The following IGF1R variants were observed in gnomAD, a reference collection of about 807,000 sequenced individuals.
IGF1R encodes the protein insulin like growth factor 1 receptor, also known as insulin-like growth factor 1 receptor.
A neutral mutation model predicts 144.6 loss-of-function variants in IGF1R; 44 were observed. The ratio of observed to expected loss-of-function variants is 0.30; its 90% confidence interval spans 0.24 to 0.39. The LOEUF is 0.39. IGF1R is among the 10% of genes least tolerant of loss of function. IGF1R has a pLI of 1.00. For missense variants in IGF1R, 1,355 were observed against 1,833.7 expected (o/e 0.74, Z 4.77); for synonymous variants, 795 against 722.8 (o/e 1.10, Z -1.60).
At chr15:98,857,853 C>T (rs2011918275) in intron 2 of IGF1R, among the ~76,000 whole-genome samples, 1 of 152,174 alleles carries the variant, frequency 6.6e-6, no homozygotes, top group Non-Finnish European at 1.5e-5. Flanking sequence ...ATAACTGAGA[C>T]CTGTACATTC....
intron 5 of IGF1R, among the ~76,000 whole-genome samples, chr15:98,907,713 G>A (rs1441852545): frequency 6.6e-6 from 1 of 152,180 alleles, no homozygotes; most frequent in Non-Finnish European, 1.5e-5. Context: ...GCCTCTCCAG[G>A]GATGGACTTG....
intron 20 of IGF1R, chr15:98,954,430 T>G (rs1344797462): frequency 6.6e-6 from 1 of 151,546 alleles, no homozygotes; most frequent in Non-Finnish European, 1.5e-5. Context: ...TTTTAAAAGA[T>G]GAGTTTTATC....
At chr15:98,911,568 C>A in intron 7 of IGF1R, 127 bp downstream of exon 7, 1 of 1,209,674 alleles carries the variant, frequency 8.3e-7, no homozygotes, top group Non-Finnish European at 1.2e-6. Context: ...AGAGCCACGC[C>A]AAACATCCCT....
intron 10 of IGF1R, 128 bp from the exon 11 acceptor site, chr15:98,922,020 C>G: frequency 1.0e-6 from 1 of 952,530 alleles, no homozygotes; most frequent in Non-Finnish European, 1.7e-6. Context: ...TTCATGAGTT[C>G]TTACCTAAGG....
At chr15:98,763,243 C>T (rs1299701922) in intron 2 of IGF1R, among the ~76,000 whole-genome samples, 1 of 152,078 alleles carries the variant, frequency 6.6e-6, no homozygotes, top group African/African-American at 2.4e-5. Context: ...CTATGGTGCT[C>T]GTCTTACATA....
chr15:98,852,384 A>G (rs1304494143), intron 2 of IGF1R, among the ~76,000 whole-genome samples: 4 of 152,124 alleles, frequency 2.6e-5, no homozygotes, highest in Non-Finnish European at 4.4e-5. Context: ...GTTGTTTACT[A>G]CTTTCCACTC....
At chr15:98,847,099 C>T (rs115461289) in intron 2 of IGF1R, among the ~76,000 whole-genome samples, 6 of 152,130 alleles carry the variant, frequency 3.9e-5, no homozygotes, top group African/African-American at 1.2e-4. Flanking sequence ...CCCTCAGTTT[C>T]CCAAGTAGCT....
chr15:98,664,027 GTT>G (rs1221003268), intron 1 of IGF1R, among the ~76,000 whole-genome samples: 5 of 152,172 alleles, frequency 3.3e-5, no homozygotes, highest in African/African-American at 9.7e-5. Flanking sequence ...CACTGTAACT[GTT>G]TTCACTTGAC....
intron 2 of IGF1R, among the ~76,000 whole-genome samples, chr15:98,874,734 C>G (rs1042310225): frequency 1.3e-5 from 2 of 152,214 alleles, no homozygotes; most frequent in African/African-American, 4.8e-5. Context: ...GGGCATTCAT[C>G]TAATTTCAAA....
At chr15:98,694,422 T>C (rs2053550296) in intron 1 of IGF1R, among the ~76,000 whole-genome samples, 1 of 152,044 alleles carries the variant, frequency 6.6e-6, no homozygotes, top group African/African-American at 2.4e-5. Flanking sequence ...CTTGAACTGC[T>C]GTGTGGCTCT....
intron 3 of IGF1R, among the ~76,000 whole-genome samples, chr15:98,894,655 G>A (rs1326817146): frequency 6.6e-6 from 1 of 152,218 alleles, no homozygotes; most frequent in Non-Finnish European, 1.5e-5. Context: ...TGTGATCCCA[G>A]CAATTTGGGA....
intron 13 of IGF1R, among the ~76,000 whole-genome samples, chr15:98,926,788 A>G (rs967079639): frequency 2.0e-5 from 3 of 152,200 alleles, no homozygotes; most frequent in African/African-American, 7.2e-5. Context: ...ATGTTTAGGC[A>G]GATAATTTTG....
Position 98,961,298 on chromosome 15 carries a change from T to C in IGF1R, c.*3856T>C, listed in dbSNP as rs1463961729. 4 of 233,510 alleles carry C rather than the reference T, an allele frequency of 1.7e-5. No homozygotes were observed. The allele number at this position is 233,510 out of a possible 1,614,324, so 14.5% of individuals were successfully genotyped here. ...GGTTATAAGGGTTTTGTTTAAACTG[T>C]CCGAGTTACTGATGTCATTTTGTTT... On this transcript the variant is annotated 3_prime_UTR_variant, in exon 21 of 21. Coordinates refer to ENST00000650285, the MANE Select transcript of IGF1R (RefSeq NM_000875.5).
intron 2 of IGF1R, among the ~76,000 whole-genome samples, chr15:98,721,662 C>T (rs893632773): frequency 2.0e-5 from 3 of 152,322 alleles, no homozygotes; most frequent in South Asian, 2.1e-4. Flanking sequence ...ATCCTGGACA[C>T]CAATCTTGCC....
chr15:98,833,132 T>C (rs980530082), intron 2 of IGF1R, among the ~76,000 whole-genome samples: 2 of 152,214 alleles, frequency 1.3e-5, no homozygotes, highest in African/African-American at 2.4e-5. Context: ...TGAACTTCAA[T>C]AGAATAACAT....
intron 2 of IGF1R, among the ~76,000 whole-genome samples, chr15:98,728,034 G>A (rs1241588818): frequency 2.2e-5 from 2 of 92,556 alleles, no homozygotes; most frequent in African/African-American, 7.3e-5. Context: ...TTTTTTAAGC[G>A]AGCAGCAGCA....
At chr15:98,900,671 C>T (rs1469863980) in intron 5 of IGF1R, 1 of 152,272 alleles carries the variant, frequency 6.6e-6, no homozygotes, top group Non-Finnish European at 1.5e-5. Flanking sequence ...TAAAAAACTT[C>T]TTTCTCATTG....
At chr15:98,952,970 C>A (rs1233094324) in intron 20 of IGF1R, 3 of 152,152 alleles carry the variant, frequency 2.0e-5, no homozygotes, top group Non-Finnish European at 2.9e-5. Flanking sequence ...TCTGAGTTTA[C>A]TGATGAGCTT....
At chr15:98,867,154 GGAGAGA>G (rs60863950) in intron 2 of IGF1R, among the ~76,000 whole-genome samples, 3,845 of 146,180 alleles carry the variant, frequency 0.026, 155 homozygotes, top group African/African-American at 0.083. Context: ...AGAGAAAGGG[GGAGAGA>G]GAGAGAGAGA....
Sources: gnomAD v4.1 joint callset for allele counts (sites outside exome capture counted in the v4.1 genomes callset) on GRCh38, gnomAD v4.1.1 for gene constraint, MANE v1.5 for transcripts, NCBI Gene and HGNC (gene_info 2026-07-23, HGNC 2026-07-21) for gene names.